Variants in PTPRB observed in about 807,000 individuals in gnomAD.
PTPRB encodes protein tyrosine phosphatase receptor type B, also known as receptor-type tyrosine-protein phosphatase beta.
PTPRB carries 97 observed loss-of-function variants against 238.1 expected under a neutral mutation model. That is an observed-to-expected ratio of 0.41 (90% confidence interval 0.35 to 0.48). PTPRB has a LOEUF of 0.48. Ranked by LOEUF, PTPRB falls within the 20% of genes least tolerant of loss-of-function variation. PTPRB has a pLI of 0.30. For synonymous variants in PTPRB, 970 were observed against 995.4 expected, an observed-to-expected ratio of 0.97 and a Z score of 0.48; for missense variants, 2,292 against 2,681.9, an observed-to-expected ratio of 0.85 and a Z score of 3.21.
chr12:70,564,205 T>C (rs938389384), intron 15 of PTPRB, among the ~76,000 whole-genome samples: 1 of 152,216 alleles, frequency 6.6e-6, no homozygotes, highest in Admixed American at 6.5e-5. Flanking sequence ...CTTTGGGGAC[T>C]GTACTATCTA....
intron 4 of PTPRB, among the ~76,000 whole-genome samples, chr12:70,602,202 T>G (rs572884496): frequency 3.3e-4 from 50 of 152,304 alleles, no homozygotes; most frequent in African/African-American, 1.1e-3. Flanking sequence ...CAGGTTGCTG[T>G]GCATTTAATG....
rs1871401705 is a variant in PTPRB, at chr12:70,518,994, T to G, written c.*2495A>C. On this transcript the variant is annotated 3_prime_UTR_variant, in exon 34 of 34. Coordinates refer to ENST00000334414, the MANE Select transcript of PTPRB (RefSeq NM_001109754.4). ...GAGCTGAATGTCAAGGAAAACTTTT[T>G]TTTTCTCCTAAATTTAATAAATAAG... 1 of 152,122 alleles carries G rather than the reference T, an allele frequency of 6.6e-6. No individual in the cohort carries two copies. The highest frequency in any genetic ancestry group is 6.5e-5 in the Admixed American group (1 of 15,280). The allele number at this position is 152,122 out of a possible 1,614,324, so 9.4% of individuals were successfully genotyped here.
intron 1 of PTPRB, 109 bp from the exon 2 acceptor site, chr12:70,636,175 T>C (rs1885681057): frequency 1.8e-6 from 2 of 1,103,580 alleles, no homozygotes; most frequent in South Asian, 2.3e-5. Context: ...GTTTTACTTA[T>C]ATTTTGTTAT....
At chr12:70,585,859 A>G (rs1454898415) in intron 9 of PTPRB, among the ~76,000 whole-genome samples, 1 of 148,428 alleles carries the variant, frequency 6.7e-6, no homozygotes, top group African/African-American at 2.5e-5. Flanking sequence ...AAGTGTTCTC[A>G]TTGTTCAATT....
Position 70,571,943 on chromosome 12 carries a change from A to G in PTPRB, c.2987T>C (p.Ile996Thr). The G allele has an allele frequency of 6.2e-7, 1 of 1,613,976 alleles. No individual in the cohort carries two copies. Among genetic ancestry groups the G allele is most frequent in the Non-Finnish European group, 8.5e-7 (1 of 1,179,876 alleles). Reference sequence around the variant, plus strand: ...TACACATTCGTTTTCTGACTTGGGAATGCTTTTAGTTTGAATGAAGTTGTT... The same window carrying G: ...TACACATTCGTTTTCTGACTTGGGAGTGCTTTTAGTTTGAATGAAGTTGTT... ...NKNNFIQTKS[I>T]PKSENECVFV... Residue 996 changes from isoleucine to threonine, a missense_variant, in exon 12 of 34, where the codon ATT (isoleucine) becomes ACT (threonine). Physicochemically the swap from Ile to Thr is moderately conservative, Grantham distance 89 (BLOSUM62 -1). Around this residue, in one of 4 missense-constraint regions of PTPRB, gnomAD observed 1,205 missense variants for 1,287.8 expected, o/e 0.94. Transcript: ENST00000334414.
intron 21 of PTPRB, among the ~76,000 whole-genome samples, chr12:70,549,876 G>A (rs1459306426): frequency 6.6e-6 from 1 of 151,416 alleles, no homozygotes; most frequent in Non-Finnish European, 1.5e-5. Context: ...CAGAGATGAT[G>A]AAGCCATAAC....
At position 70,589,982 on chromosome 12, in the gene PTPRB, G is replaced by C. The variant is rs768832583; in HGVS notation, c.2032C>G (p.Arg678Gly). The C allele has an allele frequency of 1.2e-6, 2 of 1,613,594 alleles. No individual in the cohort carries two copies. Among genetic ancestry groups the C allele is most frequent in the East Asian group, 4.5e-5 (2 of 44,876 alleles). Reference sequence around the variant, plus strand: ...TGCCTACCTGTCCTGCCTTGGCAACGCTCAGAATTCTTCAAATTTCCACTC... The same window carrying C: ...TGCCTACCTGTCCTGCCTTGGCAACCCTCAGAATTCTTCAAATTTCCACTC... ...VESGNLKNSE[R>G]CQGRTVPLAV... The change falls in exon 8 of 34, where the codon CGT (arginine) becomes GGT (glycine). Residue 678 changes from arginine (R) to glycine (G), a missense_variant. This residue lies in a region of PTPRB where 1,205 missense variants were observed against 1,287.8 expected (regional missense o/e 0.94). Transcript: ENST00000334414.
chr12:70,596,109 C>T lies in PTPRB; in HGVS notation c.1198G>A (p.Ala400Thr), dbSNP rs763542317. ...NLTAGSKYNI[A>T]ITAVSGGKRS... Reference sequence around the variant, plus strand: ...TTTCCTCCAGAAACAGCTGTGATGGCAATATTGTATTTACTACCAGCAGTG... The same window carrying T: ...TTTCCTCCAGAAACAGCTGTGATGGTAATATTGTATTTACTACCAGCAGTG... The change falls in exon 5 of 34, where the codon GCC (alanine) becomes ACC (threonine). Residue 400 changes from alanine to threonine, a missense_variant. Ala to Thr is a moderately conservative substitution (Grantham distance 58). Around this residue, in one of 4 missense-constraint regions of PTPRB, gnomAD observed 1,205 missense variants for 1,287.8 expected, o/e 0.94. Coordinates refer to ENST00000334414, the MANE Select transcript of PTPRB (RefSeq NM_001109754.4). 1.9e-6 allele frequency: 3 copies of T among 1,613,122 alleles called. No individual in the cohort carries two copies. Among genetic ancestry groups the T allele is most frequent in the Non-Finnish European group, 2.5e-6 (3 of 1,179,378 alleles).
At chr12:70,570,602 G>A (rs546519931) in intron 13 of PTPRB, among the ~76,000 whole-genome samples, 32 of 152,224 alleles carry the variant, frequency 2.1e-4, no homozygotes, top group Middle Eastern at 3.4e-3. Flanking sequence ...TCCTGCCTTG[G>A]CTTCCAAAGC....
chr12:70,535,256 C>T (rs1187337742), intron 29 of PTPRB, among the ~76,000 whole-genome samples: 1 of 129,256 alleles, frequency 7.7e-6, no homozygotes, highest in African/African-American at 2.9e-5. Flanking sequence ...TTTTTCCCCT[C>T]AGCATTTCAG....
In PTPRB at chr12:70,517,472, A is replaced by C. The variant is rs1467107016; in HGVS notation, c.*4017T>G. ...TCTTTGAATACCTGATGTAATTCTA[A>C]ATTTCAGGTTAAAAATAGCAGGGCA... On this transcript the variant is annotated 3_prime_UTR_variant, in exon 34 of 34. Coordinates refer to ENST00000334414, the MANE Select transcript of PTPRB (RefSeq NM_001109754.4). The C allele has an allele frequency of 6.6e-6, 1 of 152,202 alleles. No individual in the cohort carries two copies. Among genetic ancestry groups the C allele is most frequent in the East Asian group, 1.9e-4 (1 of 5,204 alleles). 9.4% of individuals were successfully genotyped at this position (152,202 alleles called of 1,614,324 possible).
At position 70,592,603 on chromosome 12, in the gene PTPRB, G is replaced by T. The variant is rs1034595720; in HGVS notation, c.1517-58C>A. 6 of 1,536,666 alleles carry T rather than the reference G, an allele frequency of 3.9e-6. No individual in the cohort carries two copies. In the Admixed American group the frequency reaches 5.9e-5, roughly 15 times the overall value. The stretch of plus-strand genomic sequence containing the variant: ...CTCAGGATCTCTCACAAGTCCTATG[G>T]CCAAATTTTGACCTGTAATTTTATT... On this transcript the variant is annotated intron_variant, in intron 6 of 33. Coordinates refer to ENST00000334414, the MANE Select transcript of PTPRB (RefSeq NM_001109754.4).
At chr12:70,584,596 A>T (rs1881701467) in intron 9 of PTPRB, among the ~76,000 whole-genome samples, 2 of 152,216 alleles carry the variant, frequency 1.3e-5, no homozygotes, top group African/African-American at 4.8e-5. Flanking sequence ...AATATCTTTT[A>T]TGTGCTGAGA....
Position 70,555,377 on chromosome 12 carries a change from T to G in PTPRB, c.4994-68A>C. The G allele has an allele frequency of 2.1e-6, 3 of 1,425,228 alleles. No individual in the cohort carries two copies. The South Asian group carries it at 3.8e-5, about 18-fold the overall frequency. The allele number at this position is 1,425,228 out of a possible 1,614,324, so 88.3% of individuals were successfully genotyped here. ...CTGCTTTCACAGCATAAACAACAGT[T>G]AGTGAAATGAAGGATTCTGCTCTCC... On this transcript the variant is annotated intron_variant, in intron 19 of 33. Transcript: ENST00000334414.
chr12:70,573,759 C>A lies in PTPRB; in HGVS notation c.2843-1672G>T, dbSNP rs545128076. 2.3e-4 allele frequency among the ~76,000 whole-genome samples: 35 copies of A among 151,020 alleles called. 1 individual carries two copies. The South Asian group carries it at 7.3e-3, about 32-fold the overall frequency. On this transcript the variant is annotated intron_variant, in intron 11 of 33. Coordinates refer to ENST00000334414, the MANE Select transcript of PTPRB (RefSeq NM_001109754.4). ...TGACCTCATGATTCTCCCGCCTCGG[C>A]CTCCCAAAGTGCTGGGGATGCATGG...
chr12:70,530,473 G>A (rs1873054985), intron 32 of PTPRB, among the ~76,000 whole-genome samples: 1 of 149,080 alleles, frequency 6.7e-6, no homozygotes, highest in African/African-American at 2.5e-5. Flanking sequence ...ACACATATAT[G>A]CAATATGACA....
rs1878688772 is a variant in PTPRB at position 70,562,908 on chromosome 12, G to A, written c.4104C>T (p.Tyr1368=). Residue 1368 remains tyrosine (Y), a synonymous_variant, in exon 16 of 34, where the codon TAC becomes TAT. Coordinates refer to ENST00000334414, the MANE Select transcript of PTPRB (RefSeq NM_001109754.4). The part of the protein sequence containing the change: ...SFQNLLQGRM[Y]KMVIVTHSGE... ...CACTGTGAGTTACAATCACCATCTT[G>A]TACATTCTGCCTTGTAGCAAGTTCT... The A allele has an allele frequency of 2.5e-6, 4 of 1,613,860 alleles. No individual in the cohort carries two copies. Among genetic ancestry groups the A allele is most frequent in the Admixed American group, 3.3e-5 (2 of 59,996 alleles).
intron 4 of PTPRB, among the ~76,000 whole-genome samples, chr12:70,607,545 T>G (rs946688138): frequency 6.9e-6 from 1 of 144,418 alleles, no homozygotes; most frequent in African/African-American, 2.5e-5. Context: ...TCATTTTCCT[T>G]TTCTTTTTTT....
At chr12:70,587,760 T>A (rs1186187916) in intron 8 of PTPRB, among the ~76,000 whole-genome samples, 1 of 152,064 alleles carries the variant, frequency 6.6e-6, no homozygotes, top group Non-Finnish European at 1.5e-5. Flanking sequence ...ATCTCAAAAT[T>A]GATTCCTTTA....
Sources: allele counts gnomAD v4.1 joint callset (sites outside exome capture counted in the v4.1 genomes callset), GRCh38; gene constraint gnomAD v4.1.1; regional missense constraint gnomAD v4.1.1; transcripts MANE v1.5; gene names NCBI Gene and HGNC (gene_info 2026-07-23, HGNC 2026-07-21).